GATAD2B: variants seen among roughly 807,000 people sequenced by gnomAD.
The protein encoded by GATAD2B is GATA zinc finger domain containing 2B.
In GATAD2B, 8 loss-of-function variants were observed where a neutral mutation model predicts 64.3. The ratio of observed to expected loss-of-function variants is 0.12; its 90% confidence interval spans 0.07 to 0.22. GATAD2B has a LOEUF of 0.22. Among genes scored for constraint, GATAD2B ranks in the 10% least tolerant of loss-of-function variants. The pLI, the probability that GATAD2B is intolerant of heterozygous loss-of-function variation, is 1.00. For synonymous variants in GATAD2B, 281 were observed against 271.3 expected (o/e 1.04, Z -0.35); for missense variants, 453 against 752.0 (o/e 0.60, Z 4.65).
At chr1:153,917,131 C>T (rs1186326672) in intron 1 of GATAD2B, among the ~76,000 whole-genome samples, 3 of 149,960 alleles carry the variant, frequency 2.0e-5, no homozygotes, top group Admixed American at 6.7e-5. Flanking sequence ...CTGAGTCACA[C>T]GCTGTCACCC....
At chr1:153,912,454 T>G (rs1279590196) in intron 1 of GATAD2B, among the ~76,000 whole-genome samples, 1 of 152,346 alleles carries the variant, frequency 6.6e-6, no homozygotes, top group East Asian at 1.9e-4. Flanking sequence ...AATTTATGCA[T>G]GGACACTTAT....
intron 1 of GATAD2B, among the ~76,000 whole-genome samples, chr1:153,891,061 G>A (rs575681316): frequency 3.9e-5 from 6 of 152,070 alleles, no homozygotes; most frequent in African/African-American, 1.4e-4. Context: ...GTGGGCACCT[G>A]TAATCCCAAC....
Position 153,805,933 on chromosome 1 carries a change from G to A in GATAD2B, c.*4244C>T, listed in dbSNP as rs1435781881. The A allele has an allele frequency of 1.3e-5, 2 of 152,190 alleles. No homozygotes were observed. Among genetic ancestry groups the A allele is most frequent in the South Asian group, 2.1e-4 (1 of 4,824 alleles). 9.4% of individuals were successfully genotyped at this position (152,190 alleles called of 1,614,324 possible). On this transcript the variant is annotated 3_prime_UTR_variant, in exon 11 of 11. Coordinates refer to ENST00000368655, the MANE Select transcript of GATAD2B (RefSeq NM_020699.4). ...CTCGGTTCACGCAGCCTAAGGCTGTGCAGATGGATGTGGCTCTCACTAGGT... is the reference window on the plus strand; with the variant it reads ...CTCGGTTCACGCAGCCTAAGGCTGTACAGATGGATGTGGCTCTCACTAGGT...
intron 1 of GATAD2B, among the ~76,000 whole-genome samples, chr1:153,856,230 C>T (rs964908649): frequency 2.0e-5 from 3 of 152,122 alleles, no homozygotes; most frequent in African/African-American, 7.2e-5. Context: ...ACCTTAATTC[C>T]ATCTGCCATC....
intron 1 of GATAD2B, among the ~76,000 whole-genome samples, chr1:153,880,527 C>T (rs1487341910): frequency 6.6e-6 from 1 of 152,010 alleles, no homozygotes; most frequent in Non-Finnish European, 1.5e-5. Context: ...TGCCTCCTTG[C>T]TCCTCACCCC....
intron 1 of GATAD2B, among the ~76,000 whole-genome samples, chr1:153,832,725 T>C (rs1364487173): frequency 6.6e-6 from 1 of 152,214 alleles, no homozygotes; most frequent in East Asian, 1.9e-4. Flanking sequence ...ATGCTGGGGT[T>C]TGGGCTTCTA....
At chr1:153,893,446 A>T (rs1271644495) in intron 1 of GATAD2B, among the ~76,000 whole-genome samples, 1 of 151,930 alleles carries the variant, frequency 6.6e-6, no homozygotes, top group Non-Finnish European at 1.5e-5. Flanking sequence ...GTCTCTACAA[A>T]AAAAGACAAA....
intron 1 of GATAD2B, chr1:153,852,447 AGCT>A (rs1675932985): frequency 1.3e-6 from 1 of 760,266 alleles, no homozygotes; most frequent in Non-Finnish European, 2.4e-6. Flanking sequence ...TGTGGTCTGG[AGCT>A]GCTAAGTCAG....
rs372258374 is a variant in GATAD2B at position 153,810,248 on chromosome 1, G to T, written c.1711C>A (p.Arg571=). 6.2e-7 allele frequency: 1 copy of T among 1,613,068 alleles called. No homozygotes were observed. The highest frequency in any genetic ancestry group is 1.1e-5 in the South Asian group (1 of 90,866). ...ATGTCTAAAAGGTATTCACGCTGTC[G>T]GTCTGCCAAACTGGGGCCTTTGTGT... The part of the protein sequence containing the change: ...GGHKGPSLAD[R]QREYLLDMIP... The change falls in exon 11 of 11, where the codon CGA becomes AGA. Residue 571 remains arginine (R), a synonymous_variant. Coordinates refer to ENST00000368655, the MANE Select transcript of GATAD2B (RefSeq NM_020699.4).
rs746927261 is a variant in GATAD2B, at chr1:153,817,436, G to A, written c.836C>T (p.Pro279Leu). ...NPAQLQGQRG[P>L]PKPGLVRTTT... is the part of the protein sequence containing the mutation. ...GGTGCGTACAAGGCCAGGCTTAGGCGGGCCCCGCTGACCCTGTAGCTGGGC... is the reference window on the plus strand; with the variant it reads ...GGTGCGTACAAGGCCAGGCTTAGGCAGGCCCCGCTGACCCTGTAGCTGGGC... The change falls in exon 6 of 11, where the codon CCG becomes CTG. Residue 279 changes from proline (P) to leucine (L), a missense_variant. Physicochemically the swap from Pro to Leu is moderately conservative, Grantham distance 98. Around this residue, in one of 2 missense-constraint regions of GATAD2B, gnomAD observed 293 missense variants for 417.2 expected, o/e 0.70. Transcript: ENST00000368655. 1.4e-5 allele frequency: 23 copies of A among 1,612,066 alleles called. No homozygotes were observed. The highest frequency in any genetic ancestry group is 8.9e-5 in the East Asian group (4 of 44,794).
intron 2 of GATAD2B, among the ~76,000 whole-genome samples, chr1:153,821,711 C>A (rs1674689428): frequency 6.6e-6 from 1 of 151,752 alleles, no homozygotes; most frequent in Non-Finnish European, 1.5e-5. Flanking sequence ...TTACAGGTAC[C>A]CGGCACCGCG....
chr1:153,872,210 T>C (rs1676691902), intron 1 of GATAD2B, among the ~76,000 whole-genome samples: 1 of 150,698 alleles, frequency 6.6e-6, no homozygotes, highest in Non-Finnish European at 1.5e-5. Flanking sequence ...TCCCAGCTAT[T>C]TGGGAAGCTG....
At chr1:153,817,617 G>A (rs1018598063) in intron 5 of GATAD2B, 75 bp from the exon 6 acceptor site, 1 of 1,009,990 alleles carries the variant, frequency 9.9e-7, no homozygotes, top group Admixed American at 3.4e-5. Context: ...ATGCAAAAGG[G>A]AAAACACTGC....
intron 1 of GATAD2B, among the ~76,000 whole-genome samples, chr1:153,901,410 A>G (rs1677767117): frequency 6.6e-6 from 1 of 152,078 alleles, no homozygotes; most frequent in African/African-American, 2.4e-5. Flanking sequence ...GAACTTTAAT[A>G]ACGAGAGTGA....
At chr1:153,863,833 C>T (rs143673434) in intron 1 of GATAD2B, among the ~76,000 whole-genome samples, 216 of 152,142 alleles carry the variant, frequency 1.4e-3, no homozygotes, top group African/African-American at 4.6e-3. Context: ...ACCATGTTGG[C>T]CAGGATGGCC....
At chr1:153,877,100 T>C in intron 1 of GATAD2B, among the ~76,000 whole-genome samples, 1 of 151,238 alleles carries the variant, frequency 6.6e-6, no homozygotes, top group African/African-American at 2.4e-5. Flanking sequence ...TTTGGGGGGC[T>C]AAGGCAGAAG....
At chr1:153,876,584 G>A (rs1676843029) in intron 1 of GATAD2B, among the ~76,000 whole-genome samples, 2 of 152,214 alleles carry the variant, frequency 1.3e-5, no homozygotes, top group Admixed American at 6.6e-5. Context: ...AATGTGACAA[G>A]TTAGAGTGTG....
At chr1:153,864,553 G>A (rs1209472696) in intron 1 of GATAD2B, among the ~76,000 whole-genome samples, 1 of 152,132 alleles carries the variant, frequency 6.6e-6, no homozygotes, top group Non-Finnish European at 1.5e-5. Flanking sequence ...GGAGGTCGAG[G>A]CTTCAGTGAG....
chr1:153,878,936 C>A (rs1380846641), intron 1 of GATAD2B, among the ~76,000 whole-genome samples: 1 of 151,428 alleles, frequency 6.6e-6, no homozygotes, highest in Non-Finnish European at 1.5e-5. Context: ...CACCACCATG[C>A]CTGGCTAATT....
Sources: gnomAD v4.1 joint callset for allele counts (sites outside exome capture counted in the v4.1 genomes callset) on GRCh38, gnomAD v4.1.1 for gene constraint, gnomAD v4.1.1 regional missense constraint, MANE v1.5 for transcripts, NCBI Gene and HGNC (gene_info 2026-07-23, HGNC 2026-07-21) for gene names.